The following WDTC1 variants were observed in gnomAD, a reference collection of about 807,000 sequenced individuals.
WDTC1 encodes WD and tetratricopeptide repeats 1.
In WDTC1, 12 loss-of-function variants were observed where a neutral mutation model predicts 76.0. The ratio of observed to expected loss-of-function variants is 0.16; its 90% CI spans 0.10 to 0.26. The LOEUF (loss-of-function observed/expected upper bound fraction) is 0.26, where lower values mean the gene tolerates loss of function less well. Ranked by LOEUF, WDTC1 falls within the 10% of genes least tolerant of loss-of-function variation. The probability of loss-of-function intolerance (pLI) is 1.00; values close to 1 mark genes in which losing one functional copy is unlikely to be tolerated. For missense variants in WDTC1, 511 were observed against 908.8 expected, an observed-to-expected ratio of 0.56 and a Z score of 5.63; for synonymous variants, 326 against 350.8, an observed-to-expected ratio of 0.93 and a Z score of 0.79.
rs1390342379 is a variant in WDTC1, at chr1:27,286,311, TTG to T, written c.292-1361_292-1360del. Among the ~76,000 whole-genome samples the T allele has an allele frequency of 4.7e-5, 7 of 150,362 alleles. 1 individual carries two copies. The highest frequency in any genetic ancestry group is 9.8e-5 in the African/African-American group (4 of 40,838). On this transcript the variant is annotated intron_variant, in intron 5 of 15. Coordinates refer to ENST00000319394, the MANE Select transcript of WDTC1 (RefSeq NM_001276252.2). ...AGCCACGGCACCTGGCCGGTTTTTTTTGTTTTTTTTTTTAATAAATACTGCAT... is the reference window on the plus strand; with the variant it reads ...AGCCACGGCACCTGGCCGGTTTTTTTTTTTTTTTTTTAATAAATACTGCAT...
intron 12 of WDTC1, among the ~76,000 whole-genome samples, chr1:27,298,792 T>G (rs2013758163): frequency 8.4e-6 from 1 of 118,554 alleles, no homozygotes; most frequent in Admixed American, 1.1e-4. Flanking sequence ...GGACTAGAGA[T>G]GGATAGAGCT....
chr1:27,275,507 A>G (rs2147951346), intron 3 of WDTC1, among the ~76,000 whole-genome samples: 1 of 152,088 alleles, frequency 6.6e-6, no homozygotes, highest in African/African-American at 2.4e-5. Flanking sequence ...TAATCCCAGC[A>G]CTTGGGAGGC....
intron 1 of WDTC1, among the ~76,000 whole-genome samples, chr1:27,240,980 A>AAAG (rs1280816559): frequency 6.6e-6 from 1 of 151,420 alleles, no homozygotes; most frequent in East Asian, 1.9e-4. Flanking sequence ...CTCAAAAAAA[A>AAAG]AAAACAAAAA....
chr1:27,289,426 G>A (rs1443157884), intron 6 of WDTC1, among the ~76,000 whole-genome samples: 8 of 150,182 alleles, frequency 5.3e-5, no homozygotes, highest in African/African-American at 1.5e-4. Context: ...CTCAGACGAT[G>A]GGCGGCCGGG....
intron 1 of WDTC1, among the ~76,000 whole-genome samples, chr1:27,254,167 TTGTC>T (rs1557481989): frequency 6.6e-6 from 1 of 152,130 alleles, no homozygotes; most frequent in East Asian, 1.9e-4. Context: ...TCTAGTTAGT[TTGTC>T]TGCCTGTAAA....
intron 1 of WDTC1, among the ~76,000 whole-genome samples, chr1:27,251,331 A>G (rs1465671464): frequency 6.6e-6 from 1 of 152,122 alleles, no homozygotes; most frequent in African/African-American, 2.4e-5. Context: ...AGCTCCAGGA[A>G]TAGAATACCT....
Position 27,303,467 on chromosome 1 carries a change from C to T in WDTC1, c.1469-154C>T, listed in dbSNP as rs926840625. Among the ~76,000 whole-genome samples the T allele has an allele frequency of 3.3e-5, 5 of 152,184 alleles. No individual in the cohort carries two copies. The highest frequency in any genetic ancestry group is 6.5e-5 in the Admixed American group (1 of 15,288). The stretch of plus-strand genomic sequence containing the variant: ...GGGGCTAGATCCAAAGATGCATCTT[C>T]CTCACAACCTTTCCCCAGTTTTCCA... On this transcript the variant is annotated intron_variant, in intron 13 of 15. Transcript: ENST00000319394. The surrounding 1 kb of genome is among the most constrained non-coding windows in gnomAD (Gnocchi z 4.8).
At chr1:27,261,882 GA>G (rs2147932666) in intron 2 of WDTC1, among the ~76,000 whole-genome samples, 1 of 152,128 alleles carries the variant, frequency 6.6e-6, no homozygotes, top group South Asian at 2.1e-4. Flanking sequence ...ATGAGCTTGA[GA>G]AAGTTGTTTG....
At chr1:27,236,301 T>TA (rs1161103623) in intron 1 of WDTC1, among the ~76,000 whole-genome samples, 1 of 152,226 alleles carries the variant, frequency 6.6e-6, no homozygotes, top group Non-Finnish European at 1.5e-5. Flanking sequence ...GTCTGAGACT[T>TA]ACTGAGGTTT....
chr1:27,287,266 T>A (rs2013366980), intron 5 of WDTC1, among the ~76,000 whole-genome samples: 1 of 152,240 alleles, frequency 6.6e-6, no homozygotes, highest in Non-Finnish European at 1.5e-5. Context: ...GGTTACTAAG[T>A]AGTCATAATG....
chr1:27,285,193 C>T (rs565078741), intron 5 of WDTC1, among the ~76,000 whole-genome samples: 2 of 152,140 alleles, frequency 1.3e-5, no homozygotes, highest in African/African-American at 4.8e-5. Context: ...TGCACCACCA[C>T]ACCTGGCAGA....
chr1:27,288,845 C>T (rs1323603224), intron 6 of WDTC1, among the ~76,000 whole-genome samples: 7 of 152,256 alleles, frequency 4.6e-5, no homozygotes, highest in South Asian at 2.1e-4. Context: ...CATCCTGGCC[C>T]GTTCTCAATG....
chr1:27,259,252 C>T (rs933968852), intron 1 of WDTC1, among the ~76,000 whole-genome samples: 1 of 151,656 alleles, frequency 6.6e-6, no homozygotes, highest in Non-Finnish European at 1.5e-5. Flanking sequence ...CTCAAACTCC[C>T]GGGCTCAAGT....
intron 1 of WDTC1, among the ~76,000 whole-genome samples, chr1:27,246,521 T>C (rs1256239367): frequency 6.6e-6 from 1 of 152,170 alleles, no homozygotes; most frequent in Non-Finnish European, 1.5e-5. Context: ...ATAATGCTGC[T>C]CTGAGTATTC....
At chr1:27,297,786 C>T in intron 11 of WDTC1, 152 bp from the exon 12 acceptor site, 2 of 700,774 alleles carry the variant, frequency 2.9e-6, no homozygotes, top group East Asian at 6.0e-5. Context: ...TAGGTAATAT[C>T]CCAGACCAGG....
chr1:27,269,981 G>A (rs1032110702), intron 3 of WDTC1, among the ~76,000 whole-genome samples: 5 of 151,078 alleles, frequency 3.3e-5, no homozygotes, highest in African/African-American at 1.2e-4. Context: ...CTGTCACCCA[G>A]GCTGGAGCGC....
intron 1 of WDTC1, among the ~76,000 whole-genome samples, chr1:27,249,587 CTTTT>C (rs902196020): frequency 3.3e-5 from 5 of 149,938 alleles, no homozygotes; most frequent in African/African-American, 4.9e-5. Flanking sequence ...CTGCTCTAAA[CTTTT>C]TTTTTTCTTT....
chr1:27,236,399 T>C (rs2011490619), intron 1 of WDTC1, among the ~76,000 whole-genome samples: 2 of 152,122 alleles, frequency 1.3e-5, no homozygotes, highest in Admixed American at 6.5e-5. Context: ...AAGGCTGGAG[T>C]CCTGCTCTCC....
chr1:27,241,434 A>G (rs1284759814), intron 1 of WDTC1, among the ~76,000 whole-genome samples: 1 of 152,166 alleles, frequency 6.6e-6, no homozygotes, highest in Non-Finnish European at 1.5e-5. Context: ...CTAGGCATTC[A>G]TGGTCAGGGA....
Sources: allele counts gnomAD v4.1 joint callset (sites outside exome capture counted in the v4.1 genomes callset), GRCh38; gene constraint gnomAD v4.1.1; non-coding constraint Gnocchi (gnomAD v3.1); transcripts MANE v1.5; gene names NCBI Gene and HGNC (gene_info 2026-07-23, HGNC 2026-07-21).